The following MTOR variants were observed in gnomAD, a reference collection of about 807,000 sequenced individuals.
The protein encoded by MTOR is mechanistic target of rapamycin kinase, also known as serine/threonine-protein kinase mTOR.
A neutral mutation model predicts 319.8 loss-of-function variants in MTOR; 70 were observed. The ratio of observed to expected loss-of-function variants is 0.22; its 90% CI spans 0.18 to 0.27. MTOR has a LOEUF of 0.27. Ranked by LOEUF, MTOR falls within the 10% of genes least tolerant of loss-of-function variation. The pLI, the probability that MTOR is intolerant of heterozygous loss-of-function variation, is 1.00. For missense variants in MTOR, 1,890 were observed against 3,274.4 expected (o/e 0.58, Z 10.32); for synonymous variants, 1,183 against 1,211.4 (o/e 0.98, Z 0.49).
At chr1:11,207,257 A>G (rs868766654) in intron 25 of MTOR, among the ~76,000 whole-genome samples, 1 of 150,416 alleles carries the variant, frequency 6.6e-6, no homozygotes, top group African/African-American at 2.5e-5. Context: ...ATGCACCACC[A>G]TGTCCAGCTA....
chr1:11,173,038 G>A (rs1644873540), intron 28 of MTOR, among the ~76,000 whole-genome samples: 1 of 150,726 alleles, frequency 6.6e-6, no homozygotes, highest in African/African-American at 2.4e-5. Context: ...CTGTCACCCA[G>A]GCTGGAGTGC....
chr1:11,110,201 G>C (rs1158381251), intron 54 of MTOR, among the ~76,000 whole-genome samples: 2 of 152,114 alleles, frequency 1.3e-5, no homozygotes, highest in Non-Finnish European at 2.9e-5. Flanking sequence ...ATTAACTTCG[G>C]AATGTGTCAC....
At chr1:11,195,766 A>G (rs1228770813) in intron 28 of MTOR, 2 of 152,604 alleles carry the variant, frequency 1.3e-5, no homozygotes. Context: ...TAATACAGGT[A>G]TATCTATTTT....
Position 11,127,232 on chromosome 1 carries a change from T to C in MTOR, c.6217-88A>G, listed in dbSNP as rs2100403911. 1 of 1,564,318 alleles carries C rather than the reference T, an allele frequency of 6.4e-7. No individual in the cohort carries two copies. The highest frequency in any genetic ancestry group is 1.2e-5 in the South Asian group (1 of 84,904). Reference sequence around the variant, plus strand: ...TCCCCAGGCTGACTGCAGATATTCCTCAGGAGCCCGCTGTGGCCTGAAAAC... The same window carrying C: ...TCCCCAGGCTGACTGCAGATATTCCCCAGGAGCCCGCTGTGGCCTGAAAAC... On this transcript the variant is annotated intron_variant, in intron 44 of 57. Coordinates refer to ENST00000361445, the MANE Select transcript of MTOR (RefSeq NM_004958.4). This position sits in a 1 kb window ranked among gnomAD's most constrained non-coding sequence, Gnocchi z 5.5.
At position 11,199,687 on chromosome 1, in the gene MTOR, C is replaced by T. The variant is rs1316310809; in HGVS notation, c.3961G>A (p.Ala1321Thr). The T allele has an allele frequency of 4.3e-6, 7 of 1,614,176 alleles. No homozygotes were observed. Among genetic ancestry groups the T allele is most frequent in the Non-Finnish European group, 5.9e-6 (7 of 1,180,022 alleles). Reference sequence around the variant, plus strand: ...AGTTCAGACCAGCAGGACACAAATGCAGCATTGAAGAGATCCCTGAAGGCA... The same window carrying T: ...AGTTCAGACCAGCAGGACACAAATGTAGCATTGAAGAGATCCCTGAAGGCA... The part of the protein sequence containing the change: ...NPMARDLFNA[A>T]FVSCWSELNE... The change falls in exon 27 of 58, where the codon GCA becomes ACA. Residue 1321 changes from alanine to threonine, a missense_variant. By Grantham distance (58) the Ala-to-Thr change is moderately conservative. This residue lies in a region of MTOR where 49 missense variants were observed against 119.1 expected (regional missense o/e 0.41). Coordinates refer to ENST00000361445, the MANE Select transcript of MTOR (RefSeq NM_004958.4). This position sits in a 1 kb window ranked among gnomAD's most constrained non-coding sequence, Gnocchi z 4.5.
rs141780396 is a variant in MTOR at position 11,254,338 on chromosome 1, C to T, written c.706-365G>A. Among the ~76,000 whole-genome samples, 920 of 152,238 alleles carry T rather than the reference C, an allele frequency of 6.0e-3. 10 individuals carry two copies. The highest frequency in any genetic ancestry group is 0.021 in the African/African-American group (866 of 41,542). Reference sequence around the variant, plus strand: ...TATTTTTAGTAGAGACAGGGCTTCACCATGTTAACCAGGCTGGTCTCAAAC... The same window carrying T: ...TATTTTTAGTAGAGACAGGGCTTCATCATGTTAACCAGGCTGGTCTCAAAC... On this transcript the variant is annotated intron_variant, in intron 5 of 57. Transcript: ENST00000361445.
intron 28 of MTOR, among the ~76,000 whole-genome samples, chr1:11,190,931 T>G (rs536945894): frequency 9.2e-5 from 14 of 152,350 alleles, no homozygotes; most frequent in Non-Finnish European, 2.9e-5. Flanking sequence ...AAACCAAGCT[T>G]GAAAATTCTG....
chr1:11,255,968 G>A, intron 5 of MTOR, 24 bp downstream of exon 5: 9 of 1,602,482 alleles, frequency 5.6e-6, no homozygotes, highest in Non-Finnish European at 7.7e-6. Context: ...TTTGCTAGTG[G>A]TGGGAATGGA....
At chr1:11,239,766 G>A (rs1260364772) in intron 11 of MTOR, among the ~76,000 whole-genome samples, 1 of 152,032 alleles carries the variant, frequency 6.6e-6, no homozygotes, top group East Asian at 1.9e-4. Context: ...TTAGCCGGGT[G>A]TGGTGACACG....
Position 11,210,860 on chromosome 1 carries a change from C to G in MTOR, c.3608G>C (p.Arg1203Pro). The change falls in exon 24 of 58, where the codon CGA becomes CCA. Residue 1203 changes from arginine (R) to proline (P), a missense_variant. Coordinates refer to ENST00000361445, the MANE Select transcript of MTOR (RefSeq NM_004958.4). ...CACATCATAGCGCTGATGATTGATT[C>G]GGTGTCGCACCAGAACTTTATTCAC... is the stretch of plus-strand genomic sequence containing the variant. ...PMVNKVLVRH[R>P]INHQRYDVLI... is the part of the protein sequence containing the mutation. 2 of 1,613,800 alleles carry G rather than the reference C, an allele frequency of 1.2e-6. No homozygotes were observed. The highest frequency in any genetic ancestry group is 1.7e-6 in the Non-Finnish European group (2 of 1,179,934).
intron 8 of MTOR, 95 bp downstream of exon 8, chr1:11,247,530 G>A (rs573096886): frequency 1.8e-5 from 19 of 1,057,128 alleles, no homozygotes; most frequent in South Asian, 7.0e-5. Context: ...ATTTGTTGGC[G>A]TTGCTTCAAA....
At chr1:11,165,349 C>T (rs1337405099) in intron 29 of MTOR, among the ~76,000 whole-genome samples, 2 of 152,290 alleles carry the variant, frequency 1.3e-5, no homozygotes, top group African/African-American at 2.4e-5. Flanking sequence ...AAAACCCCGT[C>T]ATCTCAGCCC....
intron 28 of MTOR, among the ~76,000 whole-genome samples, chr1:11,172,862 C>CAAA (rs35521014): frequency 3.5e-4 from 47 of 133,784 alleles, no homozygotes; most frequent in African/African-American, 1.0e-3. Flanking sequence ...GACTCTGTCT[C>CAAA]AAAAAAAAAA....
chr1:11,157,211 G>A lies in MTOR; in HGVS notation c.4410C>T (p.Asn1470=), dbSNP rs1174668989. The change falls in exon 30 of 58, where the codon AAC becomes AAT. Residue 1470 remains asparagine (N), a synonymous_variant. Transcript: ENST00000361445. ...CCAGCATCAGCTCTGGGTCGTCCTTGTTGGTGTCCATTTTCTTGTCATAGG... is the reference window on the plus strand; with the variant it reads ...CCAGCATCAGCTCTGGGTCGTCCTTATTGGTGTCCATTTTCTTGTCATAGG... ...LVAYDKKMDT[N]KDDPELMLGR... is the part of the protein sequence containing the mutation. The A allele has an allele frequency of 6.2e-7, 1 of 1,614,000 alleles. No homozygotes were observed. The highest frequency in any genetic ancestry group is 1.3e-5 in the African/African-American group (1 of 74,922).
intron 26 of MTOR, among the ~76,000 whole-genome samples, chr1:11,200,700 G>A (rs1251715697): frequency 6.6e-6 from 1 of 152,054 alleles, no homozygotes; most frequent in African/African-American, 2.4e-5. Flanking sequence ...ATCAAATGAA[G>A]ACCAAAAAAA....
intron 6 of MTOR, among the ~76,000 whole-genome samples, chr1:11,249,501 G>T (rs1050298107): frequency 6.7e-5 from 10 of 149,362 alleles, no homozygotes; most frequent in African/African-American, 2.0e-4. Context: ...CAATAGTGGA[G>T]GGAAGGTCAG....
chr1:11,236,984 T>C lies in MTOR; in HGVS notation c.2208+859A>G, dbSNP rs189737859. Among the ~76,000 whole-genome samples the C allele has an allele frequency of 2.9e-3, 442 of 152,374 alleles. 3 individuals carry two copies. Among genetic ancestry groups the C allele is most frequent in the African/African-American group, 0.01 (429 of 41,594 alleles). On this transcript the variant is annotated intron_variant, in intron 13 of 57. Coordinates refer to ENST00000361445, the MANE Select transcript of MTOR (RefSeq NM_004958.4). The stretch of plus-strand genomic sequence containing the variant: ...CTGATGATATAATTTACAGCCACTT[T>C]ATAACAAATTGTGAACAAACATTTC...
intron 1 of MTOR, among the ~76,000 whole-genome samples, chr1:11,262,206 C>T (rs1349833105): frequency 1.3e-5 from 2 of 152,184 alleles, no homozygotes; most frequent in East Asian, 3.9e-4. Flanking sequence ...ATGGGCCGGC[C>T]TTCGGGCGGA....
At chr1:11,222,923 A>C (rs1250165885) in intron 19 of MTOR, among the ~76,000 whole-genome samples, 1 of 152,168 alleles carries the variant, frequency 6.6e-6, no homozygotes, top group African/African-American at 2.4e-5. Context: ...ATCCGAACCC[A>C]CTGATCAGCC....
Sources: gnomAD v4.1 joint callset for allele counts (sites outside exome capture counted in the v4.1 genomes callset) on GRCh38, gnomAD v4.1.1 for gene constraint, gnomAD v4.1.1 regional missense constraint, Gnocchi (gnomAD v3.1) non-coding constraint, MANE v1.5 for transcripts, NCBI Gene and HGNC (gene_info 2026-07-23, HGNC 2026-07-21) for gene names.